TBC1D10A: variants seen among roughly 807,000 people sequenced by gnomAD.
The protein encoded by TBC1D10A is TBC1 domain family member 10A.
TBC1D10A carries 24 observed loss-of-function variants against 52.9 expected under a neutral mutation model. The ratio of observed to expected loss-of-function variants is 0.45; its 90% CI spans 0.33 to 0.64. TBC1D10A has a LOEUF of 0.64. TBC1D10A is among the 30% of genes least tolerant of loss of function. The pLI is 0.02. For synonymous variants in TBC1D10A, 278 were observed against 282.9 expected, an observed-to-expected ratio of 0.98 and a Z score of 0.17; for missense variants, 602 against 687.9, an observed-to-expected ratio of 0.88 and a Z score of 1.40.
intron 8 of TBC1D10A, 131 bp from the exon 9 acceptor site, chr22:30,292,982 T>C: frequency 1.9e-6 from 2 of 1,039,060 alleles, no homozygotes; most frequent in Admixed American, 2.1e-5. Context: ...CCAGGAAGGA[T>C]GAGGGTCTAG....
chr22:30,308,506 C>G (rs1199506427), intron 1 of TBC1D10A, among the ~76,000 whole-genome samples: 2 of 152,222 alleles, frequency 1.3e-5, no homozygotes, highest in Non-Finnish European at 2.9e-5. Context: ...CTTACATGTA[C>G]TAATGCACTC....
At chr22:30,318,250 G>A (rs990883721) in intron 1 of TBC1D10A, among the ~76,000 whole-genome samples, 6 of 152,104 alleles carry the variant, frequency 3.9e-5, no homozygotes, top group Non-Finnish European at 8.8e-5. Flanking sequence ...TGTGTCCAAA[G>A]GCCCAAACCC....
rs113970119 is a variant in TBC1D10A, at chr22:30,303,342, T to C, written c.309+1189A>G. On this transcript the variant is annotated intron_variant, in intron 2 of 8. Transcript: ENST00000215790. ...ACAGACAGACAGACAGACAGACAGA[T>C]AGATAGACAGATAGCTATAGAGAAT... is the stretch of plus-strand genomic sequence containing the variant. Among the ~76,000 whole-genome samples the C allele has an allele frequency of 3.0e-3, 381 of 128,494 alleles. 1 individual carries two copies. Among genetic ancestry groups the C allele is most frequent in the Middle Eastern group, 9.0e-3 (2 of 222 alleles). The allele number at this position is 128,494 out of a possible 152,430, so 84.3% of individuals were successfully genotyped here.
At position 30,292,221 on chromosome 22, in the gene TBC1D10A, G is replaced by T; in HGVS notation, c.*154C>A. 1 of 641,402 alleles carries T rather than the reference G, an allele frequency of 1.6e-6. No individual in the cohort carries two copies. Among genetic ancestry groups the T allele is most frequent in the Non-Finnish European group, 2.6e-6 (1 of 387,628 alleles). 39.7% of individuals were successfully genotyped at this position (641,402 alleles called of 1,614,324 possible). On this transcript the variant is annotated 3_prime_UTR_variant, in exon 9 of 9. Coordinates refer to ENST00000215790, the MANE Select transcript of TBC1D10A (RefSeq NM_031937.3). The stretch of plus-strand genomic sequence containing the variant: ...AGGAGGCTCAGGCAGAATCTGTGTT[G>T]GACCAGGCAGAATCTGTGTTGGACC...
intron 1 of TBC1D10A, among the ~76,000 whole-genome samples, chr22:30,324,425 G>C (rs1304491756): frequency 6.6e-6 from 1 of 152,208 alleles, no homozygotes; most frequent in African/African-American, 2.4e-5. Context: ...GAGGGAAGGA[G>C]AGAGGACTGG....
chr22:30,314,839 ACACAAAAAACC>A (rs965346868), intron 1 of TBC1D10A, among the ~76,000 whole-genome samples: 58 of 151,570 alleles, frequency 3.8e-4, no homozygotes, highest in South Asian at 3.3e-3. Flanking sequence ...CACCAAAAAA[ACACAAAAAACC>A]CACAAAAAAC....
Position 30,295,855 on chromosome 22 carries a change from G to A in TBC1D10A, c.418-12C>T, listed in dbSNP as rs1436510054. The A allele has an allele frequency of 6.2e-7, 1 of 1,609,718 alleles. No individual in the cohort carries two copies. Among genetic ancestry groups the A allele is most frequent in the East Asian group, 2.2e-5 (1 of 44,770 alleles). ...GACATGTCCAGCTCCTAGAAGCAAG[G>A]GCACAAATTAGGGGCTGGGGAGGAT... On this transcript the variant is annotated splice_polypyrimidine_tract_variant and intron_variant, in intron 3 of 8. Transcript: ENST00000215790.
intron 8 of TBC1D10A, 193 bp downstream of exon 8, chr22:30,293,458 A>G: frequency 1.1e-6 from 1 of 890,272 alleles, no homozygotes; most frequent in Non-Finnish European, 1.8e-6. Context: ...AAGGCCCTGC[A>G]GAGCCAAGCC....
chr22:30,310,964 G>A (rs146954559), intron 1 of TBC1D10A, among the ~76,000 whole-genome samples: 5 of 152,316 alleles, frequency 3.3e-5, no homozygotes, highest in African/African-American at 7.2e-5. Context: ...ATGGAGAGGA[G>A]GCAGTTGGAG....
At chr22:30,322,983 C>G (rs1026171377) in intron 1 of TBC1D10A, among the ~76,000 whole-genome samples, 7 of 151,376 alleles carry the variant, frequency 4.6e-5, no homozygotes, top group Non-Finnish European at 1.5e-5. Context: ...TTACTGCAAC[C>G]TCCACCTCCT....
chr22:30,313,341 A>ATGTGTATGTGTG (rs1930463750), intron 1 of TBC1D10A, among the ~76,000 whole-genome samples: 2 of 138,022 alleles, frequency 1.4e-5, no homozygotes, highest in South Asian at 4.8e-4. Context: ...TGCTCAATAA[A>ATGTGTATGTGTG]TGTGTGTGTG....
Position 30,292,780 on chromosome 22 carries a change from C to A in TBC1D10A, c.1122G>T (p.Glu374Asp). The A allele has an allele frequency of 6.2e-7, 1 of 1,612,222 alleles. No individual in the cohort carries two copies. The highest frequency in any genetic ancestry group is 8.5e-7 in the Non-Finnish European group (1 of 1,179,948). Reference protein sequence around the residue: ...EHLIQLRRWQETRGELQCRSP... With the variant: ...EHLIQLRRWQDTRGELQCRSP... The stretch of plus-strand genomic sequence containing the variant: ...AGCGGCACTGCAGCTCACCCCGGGT[C>A]TCCTGCCAGCGCCGCAGCTGAATGA... Residue 374 changes from glutamate to aspartate, a missense_variant, in exon 9 of 9, where the codon GAG (glutamate) becomes GAT (aspartate). By Grantham distance (45) the Glu-to-Asp change is conservative (BLOSUM62 2). Coordinates refer to ENST00000215790, the MANE Select transcript of TBC1D10A (RefSeq NM_031937.3).
At chr22:30,293,557 C>T (rs1929999023) in intron 8 of TBC1D10A, 94 bp downstream of exon 8, 4 of 1,493,612 alleles carry the variant, frequency 2.7e-6, no homozygotes, top group South Asian at 1.3e-5. Flanking sequence ...GCATAGGATC[C>T]ACCCTCAGGG....
rs117873737 is a variant in TBC1D10A at position 30,299,009 on chromosome 22, G to A, written c.417+435C>T. 1,226 of 162,384 alleles carry A rather than the reference G, an allele frequency of 7.6e-3. 13 individuals are homozygous for A. Among genetic ancestry groups the A allele is most frequent in the East Asian group, 0.032 (175 of 5,422 alleles). 10.1% of individuals were successfully genotyped at this position (162,384 alleles called of 1,614,324 possible). A position where few individuals can be genotyped will look rare whatever the true frequency, so the allele number is the denominator to read the frequency against. ...AGGAGAAAGTAGAGGATGGGAGGCC[G>A]GGAGACACTGAAGGACCTGTGGTCC... On this transcript the variant is annotated intron_variant, in intron 3 of 8. Transcript: ENST00000215790.
Position 30,294,212 on chromosome 22 carries a change from C to G in TBC1D10A, c.706-102G>C, listed in dbSNP as rs1189835219. ...GCACCCAGCACCCAGCAGGCTCAGG[C>G]AGCTACCGCCTGCAGGGTGTCTGCC... On this transcript the variant is annotated intron_variant, in intron 6 of 8. Coordinates refer to ENST00000215790, the MANE Select transcript of TBC1D10A (RefSeq NM_031937.3). 6.8e-6 allele frequency: 9 copies of G among 1,325,492 alleles called. No homozygotes were observed. In the East Asian group the frequency reaches 1.9e-4, roughly 28 times the overall value. The allele number at this position is 1,325,492 out of a possible 1,614,324, so 82.1% of individuals were successfully genotyped here.
intron 1 of TBC1D10A, among the ~76,000 whole-genome samples, chr22:30,325,572 A>G (rs1036375180): frequency 6.6e-6 from 1 of 152,044 alleles, no homozygotes; most frequent in African/African-American, 2.4e-5. Flanking sequence ...GACAGCTGGG[A>G]TGGGAGTGGG....
intron 3 of TBC1D10A, 82 bp downstream of exon 3, chr22:30,299,362 G>A: frequency 7.4e-7 from 1 of 1,355,502 alleles, no homozygotes; most frequent in East Asian, 2.3e-5. Context: ...TGAGGTTCAG[G>A]TGAGCACATG....
chr22:30,323,958 G>A (rs1019139683), intron 1 of TBC1D10A, among the ~76,000 whole-genome samples: 5 of 112,576 alleles, frequency 4.4e-5, no homozygotes, highest in Admixed American at 1.9e-4. Flanking sequence ...GTGACAGAGC[G>A]AGACTCCGTC....
At chr22:30,322,293 C>T (rs1242010773) in intron 1 of TBC1D10A, among the ~76,000 whole-genome samples, 1 of 152,054 alleles carries the variant, frequency 6.6e-6, no homozygotes, top group Non-Finnish European at 1.5e-5. Context: ...TCCTGGGCTT[C>T]AATGCCCCAC....
Sources: gnomAD v4.1 joint callset for allele counts (sites outside exome capture counted in the v4.1 genomes callset) on GRCh38, gnomAD v4.1.1 for gene constraint, MANE v1.5 for transcripts, NCBI Gene and HGNC (gene_info 2026-07-23, HGNC 2026-07-21) for gene names.